The following JAKMIP1 variants were observed in gnomAD, a reference collection of about 807,000 sequenced individuals.
JAKMIP1 encodes the protein janus kinase and microtubule-interacting protein 1.
JAKMIP1 carries 33 observed loss-of-function variants against 113.0 expected under a neutral mutation model. The ratio of observed to expected loss-of-function variants is 0.29; its 90% CI spans 0.22 to 0.39. The LOEUF is 0.39. Among genes scored for constraint, JAKMIP1 ranks in the 10% least tolerant of loss-of-function variants. JAKMIP1 has a pLI of 1.00. For missense variants in JAKMIP1, 813 were observed against 1,080.5 expected, an observed-to-expected ratio of 0.75 and a Z score of 3.47; for synonymous variants, 480 against 459.9, an observed-to-expected ratio of 1.04 and a Z score of -0.56.
chr4:6,040,861 C>A lies in JAKMIP1; in HGVS notation c.2098-145G>T. 1.5e-6 allele frequency: 1 copy of A among 677,942 alleles called. No homozygotes were observed. Among genetic ancestry groups the A allele is most frequent in the Non-Finnish European group, 2.6e-6 (1 of 379,860 alleles). The allele number at this position is 677,942 out of a possible 1,614,324, so 42.0% of individuals were successfully genotyped here. ...GACTTGGTGGTCTTCCCCGTTTGCCCCCACATGAATCACCCAGCAGGAGCC... is the reference window on the plus strand; with the variant it reads ...GACTTGGTGGTCTTCCCCGTTTGCCACCACATGAATCACCCAGCAGGAGCC... On this transcript the variant is annotated intron_variant, in intron 17 of 20. Coordinates refer to ENST00000409021, the MANE Select transcript of JAKMIP1 (RefSeq NM_001099433.2). The surrounding 1 kb of genome is among the most constrained non-coding windows in gnomAD (Gnocchi z 5.8).
Position 6,040,813 on chromosome 4 carries a change from T to C in JAKMIP1, c.2098-97A>G, listed in dbSNP as rs894767452. On this transcript the variant is annotated intron_variant, in intron 17 of 20. Coordinates refer to ENST00000409021, the MANE Select transcript of JAKMIP1 (RefSeq NM_001099433.2). The surrounding 1 kb of genome is among the most constrained non-coding windows in gnomAD (Gnocchi z 5.8). ...GCTAGAGAGTGGCAGTCTCACCGAATTGGGGGCACTCAGATGAGAAGGGAC... is the reference window on the plus strand; with the variant it reads ...GCTAGAGAGTGGCAGTCTCACCGAACTGGGGGCACTCAGATGAGAAGGGAC... The C allele has an allele frequency of 7.9e-6, 7 of 886,958 alleles. No individual in the cohort carries two copies. The highest frequency in any genetic ancestry group is 3.0e-4 in the Middle Eastern group (1 of 3,282). 54.9% of individuals were successfully genotyped at this position (886,958 alleles called of 1,614,324 possible). A position where few individuals can be genotyped will look rare whatever the true frequency, so the allele number is the denominator to read the frequency against.
chr4:6,098,664 AAGAG>A lies in JAKMIP1; in HGVS notation c.624+6805_624+6808del, dbSNP rs141010001. ...AGAAAGAAAGGAAAGGAAAGGAAGA[AAGAG>A]AGAGAAAGAAAGAAAGAAAGAAAGA... is the stretch of plus-strand genomic sequence containing the variant. On this transcript the variant is annotated intron_variant, in intron 3 of 20. Coordinates refer to ENST00000409021, the MANE Select transcript of JAKMIP1 (RefSeq NM_001099433.2). Among the ~76,000 whole-genome samples the A allele has an allele frequency of 1.4e-3, 179 of 126,294 alleles. 1 individual carries two copies. Among genetic ancestry groups the A allele is most frequent in the African/African-American group, 5.1e-3 (160 of 31,300 alleles). The allele number at this position is 126,294 out of a possible 152,430, so 82.9% of individuals were successfully genotyped here.
Position 6,176,791 on chromosome 4 carries a change from T to G in JAKMIP1, c.-148+23462A>C, listed in dbSNP as rs1435604834. ...TCACACCTGTAATCCTAGCACTTTTTGGGGGCCGAGGCAGGCGGATCACTT... is the reference window on the plus strand; with the variant it reads ...TCACACCTGTAATCCTAGCACTTTTGGGGGGCCGAGGCAGGCGGATCACTT... On this transcript the variant is annotated intron_variant, in intron 1 of 20. Coordinates refer to ENST00000409021, the MANE Select transcript of JAKMIP1 (RefSeq NM_001099433.2). The surrounding 1 kb of genome is among the most constrained non-coding windows in gnomAD (Gnocchi z 5.5). Among the ~76,000 whole-genome samples, 3 of 152,128 alleles carry G rather than the reference T, an allele frequency of 2.0e-5. No individual in the cohort carries two copies. The highest frequency in any genetic ancestry group is 4.4e-5 in the Non-Finnish European group (3 of 68,020).
intron 18 of JAKMIP1, among the ~76,000 whole-genome samples, chr4:6,039,651 G>T (rs971162221): frequency 6.6e-6 from 1 of 152,172 alleles, no homozygotes; most frequent in Non-Finnish European, 1.5e-5. Context: ...GGGAAATGCT[G>T]TGTCTTGATA....
chr4:6,123,632 C>A (rs560522871), intron 1 of JAKMIP1, among the ~76,000 whole-genome samples: 1 of 152,232 alleles, frequency 6.6e-6, no homozygotes, highest in Admixed American at 6.5e-5. Context: ...CCAGTTTGGG[C>A]AAGAGAGGAA....
At chr4:6,048,800 G>A (rs1578087519) in intron 16 of JAKMIP1, 57 bp downstream of exon 16, 4 of 1,444,188 alleles carry the variant, frequency 2.8e-6, no homozygotes, top group Non-Finnish European at 3.9e-6. Context: ...ACAGTTTCTT[G>A]TATGGTGCTG....
chr4:6,152,791 TATATATATATATATATATAC>T (rs1424152499), intron 1 of JAKMIP1, among the ~76,000 whole-genome samples: 7 of 109,564 alleles, frequency 6.4e-5, no homozygotes, highest in East Asian at 2.1e-4. Flanking sequence ...AAAATACAAA[TATATATATATATATATATAC>T]ATATATATAT....
intron 1 of JAKMIP1, among the ~76,000 whole-genome samples, chr4:6,151,701 A>G (rs1721588162): frequency 6.6e-6 from 1 of 152,146 alleles, no homozygotes; most frequent in African/African-American, 2.4e-5. Flanking sequence ...TGAAACTTAG[A>G]GTTGAAGGTG....
At chr4:6,133,865 T>C (rs1718867515) in intron 1 of JAKMIP1, among the ~76,000 whole-genome samples, 1 of 152,206 alleles carries the variant, frequency 6.6e-6, no homozygotes, top group Non-Finnish European at 1.5e-5. Context: ...CTCTTCTCTC[T>C]CTTCTTGGCT....
At chr4:6,039,161 GC>G (rs533235197) in intron 18 of JAKMIP1, among the ~76,000 whole-genome samples, 3 of 152,166 alleles carry the variant, frequency 2.0e-5, no homozygotes, top group Non-Finnish European at 4.4e-5. Context: ...GCATGCAGGG[GC>G]CTCTTCTGCA....
intron 1 of JAKMIP1, among the ~76,000 whole-genome samples, chr4:6,121,782 G>T (rs73198070): frequency 0.079 from 12,009 of 152,266 alleles, 614 homozygotes; most frequent in Middle Eastern, 0.12. Context: ...TTTCCAATTT[G>T]TATACATTAG....
chr4:6,163,834 A>G (rs1055472337), intron 1 of JAKMIP1, among the ~76,000 whole-genome samples: 14 of 152,250 alleles, frequency 9.2e-5, no homozygotes, highest in Non-Finnish European at 1.8e-4. Context: ...AGATCAAACC[A>G]GTTACAACAC....
rs1345952838 is a variant in JAKMIP1 at position 6,108,903 on chromosome 4, T to C, written c.130-2936A>G. Among the ~76,000 whole-genome samples the C allele has an allele frequency of 6.6e-6, 1 of 152,250 alleles. No individual in the cohort carries two copies. The highest frequency in any genetic ancestry group is 1.5e-5 in the Non-Finnish European group (1 of 68,052). On this transcript the variant is annotated intron_variant, in intron 2 of 20. Coordinates refer to ENST00000409021, the MANE Select transcript of JAKMIP1 (RefSeq NM_001099433.2). This position sits in a 1 kb window ranked among gnomAD's most constrained non-coding sequence, Gnocchi z 5.6. ...TATAGATGTCATATATGGAAATATTTACAGGTATGCGTACATACGCAGGTC... is the reference window on the plus strand; with the variant it reads ...TATAGATGTCATATATGGAAATATTCACAGGTATGCGTACATACGCAGGTC...
rs763649650 is a variant in JAKMIP1 at position 6,167,904 on chromosome 4, G to A, written c.-148+32349C>T. On this transcript the variant is annotated intron_variant, in intron 1 of 20. Coordinates refer to ENST00000409021, the MANE Select transcript of JAKMIP1 (RefSeq NM_001099433.2). This position sits in a 1 kb window ranked among gnomAD's most constrained non-coding sequence, Gnocchi z 5.3. The stretch of plus-strand genomic sequence containing the variant: ...GGCTAGGACCAGTCAGGCTGACTGC[G>A]CCAGATCGCTGCACCAGTGAGACTT... Among the ~76,000 whole-genome samples, 8 of 152,170 alleles carry A rather than the reference G, an allele frequency of 5.3e-5. No homozygotes were observed. The highest frequency in any genetic ancestry group is 7.3e-5 in the Non-Finnish European group (5 of 68,030).
chr4:6,074,904 G>A (rs1443362478), intron 8 of JAKMIP1, among the ~76,000 whole-genome samples: 1 of 152,256 alleles, frequency 6.6e-6, no homozygotes, highest in South Asian at 2.1e-4. Context: ...AGAAGCCACA[G>A]GCTAGACTGA....
At position 6,069,469 on chromosome 4, in the gene JAKMIP1, C is replaced by T. The variant is rs1042699962; in HGVS notation, c.1303-4461G>A. ...GATTCAGATTAAGATTCAGTTTTGG[C>T]CGGGCACAGTGGCTCATGCCTGTAA... On this transcript the variant is annotated intron_variant, in intron 8 of 20. Transcript: ENST00000409021. This position sits in a 1 kb window ranked among gnomAD's most constrained non-coding sequence, Gnocchi z 4.5. Among the ~76,000 whole-genome samples, 2 of 152,198 alleles carry T rather than the reference C, an allele frequency of 1.3e-5. No individual in the cohort carries two copies. The highest frequency in any genetic ancestry group is 2.9e-5 in the Non-Finnish European group (2 of 68,048).
chr4:6,173,015 T>C (rs141951860), intron 1 of JAKMIP1, among the ~76,000 whole-genome samples: 2 of 152,158 alleles, frequency 1.3e-5, no homozygotes. Flanking sequence ...GAAACTTCAA[T>C]GTTAGCAGGA....
rs749211579 is a variant in JAKMIP1 at position 6,089,084 on chromosome 4, A to G, written c.625-3455T>C. Among the ~76,000 whole-genome samples, 11 of 151,960 alleles carry G rather than the reference A, an allele frequency of 7.2e-5. No homozygotes were observed. Among genetic ancestry groups the G allele is most frequent in the Non-Finnish European group, 1.2e-4 (8 of 67,996 alleles). The stretch of plus-strand genomic sequence containing the variant: ...TTTTTCTTTAGGAGCTAAGAAAGGG[A>G]CTCTGGGCTGTGTGGTGTGAGAATG... On this transcript the variant is annotated intron_variant, in intron 3 of 20. Transcript: ENST00000409021. This position sits in a 1 kb window ranked among gnomAD's most constrained non-coding sequence, Gnocchi z 5.3.
At position 6,069,765 on chromosome 4, in the gene JAKMIP1, A is replaced by G. The variant is rs148668306; in HGVS notation, c.1303-4757T>C. Among the ~76,000 whole-genome samples the G allele has an allele frequency of 0.011, 1,728 of 152,112 alleles. 45 individuals carry two copies. Among genetic ancestry groups the G allele is most frequent in the African/African-American group, 0.039 (1,635 of 41,452 alleles). The stretch of plus-strand genomic sequence containing the variant: ...AAGATCCTGTCTCAAAAAAAAAAAA[A>G]AAAAGATTCAGTTTTGGCAAAATGA... On this transcript the variant is annotated intron_variant, in intron 8 of 20. Transcript: ENST00000409021. This position sits in a 1 kb window ranked among gnomAD's most constrained non-coding sequence, Gnocchi z 4.5.
Sources: gnomAD v4.1 joint callset for allele counts (sites outside exome capture counted in the v4.1 genomes callset) on GRCh38, gnomAD v4.1.1 for gene constraint, Gnocchi (gnomAD v3.1) non-coding constraint, MANE v1.5 for transcripts, NCBI Gene and HGNC (gene_info 2026-07-23, HGNC 2026-07-21) for gene names.